RASSF5: variants seen among roughly 807,000 people sequenced by gnomAD.
RASSF5 encodes the protein Ras association domain family member 5.
A neutral mutation model predicts 40.5 loss-of-function variants in RASSF5; 25 were observed. The ratio of observed to expected loss-of-function variants is 0.62; its 90% CI spans 0.45 to 0.86. RASSF5 has a LOEUF of 0.86. RASSF5 is among the 40% of genes least tolerant of loss of function. The probability of loss-of-function intolerance (pLI) is 0.00; values close to 1 mark genes in which losing one functional copy is unlikely to be tolerated. For missense variants in RASSF5, 521 were observed against 572.8 expected, an observed-to-expected ratio of 0.91 and a Z score of 0.92; for synonymous variants, 246 against 252.4, an observed-to-expected ratio of 0.97 and a Z score of 0.24.
In RASSF5 at chr1:206,579,840, C is replaced by G. The variant is rs1266730673; in HGVS notation, c.580-3429C>G. On this transcript the variant is annotated intron_variant, in intron 2 of 5. Transcript: ENST00000579436. The surrounding 1 kb of genome is among the most constrained non-coding windows in gnomAD (Gnocchi z 4.2). ...CTTGGGTGGAAAAAGGATCCGTGAG[C>G]CCTCGTGGCTGTGGCTGGCTGGCCT... 6.6e-6 allele frequency among the ~76,000 whole-genome samples: 1 copy of G among 151,970 alleles called. No homozygotes were observed. The highest frequency in any genetic ancestry group is 1.5e-5 in the Non-Finnish European group (1 of 68,034).
At chr1:206,520,410 A>C (rs6696388) in intron 1 of RASSF5, among the ~76,000 whole-genome samples, 92,732 of 151,888 alleles carry the variant, frequency 0.61, 29,565 homozygotes, top group African/African-American at 0.8. Flanking sequence ...AGTTCGAGAC[A>C]AGCCTGGCTA....
At chr1:206,523,287 G>A (rs1553396380) in intron 1 of RASSF5, among the ~76,000 whole-genome samples, 1 of 145,056 alleles carries the variant, frequency 6.9e-6, no homozygotes, top group African/African-American at 2.6e-5. Flanking sequence ...CTGGGTGACA[G>A]ACCAAGACTT....
intron 2 of RASSF5, among the ~76,000 whole-genome samples, chr1:206,565,689 T>A (rs1241326106): frequency 1.3e-5 from 2 of 152,186 alleles, no homozygotes; most frequent in Non-Finnish European, 2.9e-5. Flanking sequence ...TGCAGCCACA[T>A]GGCCTTTATC....
intron 2 of RASSF5, among the ~76,000 whole-genome samples, chr1:206,573,050 T>C (rs1350553606): frequency 2.0e-5 from 3 of 152,350 alleles, no homozygotes; most frequent in South Asian, 2.1e-4. Flanking sequence ...ATGATGATAA[T>C]TTGGATGATG....
intron 2 of RASSF5, among the ~76,000 whole-genome samples, chr1:206,566,945 G>A (rs1553403481): frequency 6.6e-6 from 1 of 152,162 alleles, no homozygotes; most frequent in African/African-American, 2.4e-5. Flanking sequence ...TCTTTCCCAG[G>A]GGACATGAGC....
intron 2 of RASSF5, among the ~76,000 whole-genome samples, chr1:206,549,394 A>C (rs990266494): frequency 6.6e-6 from 1 of 152,140 alleles, no homozygotes; most frequent in Non-Finnish European, 1.5e-5. Flanking sequence ...TGGGCTCCTC[A>C]CAGCCTATCC....
chr1:206,584,623 C>T lies in RASSF5; in HGVS notation c.927C>T (p.Phe309=). 6.2e-7 allele frequency: 1 copy of T among 1,614,228 alleles called. No homozygotes were observed. The highest frequency in any genetic ancestry group is 8.5e-7 in the Non-Finnish European group (1 of 1,180,044). The change falls in exon 4 of 6, where the codon TTC becomes TTT. Residue 309 remains phenylalanine (F), a synonymous_variant. Coordinates refer to ENST00000579436, the MANE Select transcript of RASSF5 (RefSeq NM_182663.4). The surrounding 1 kb of genome is among the most constrained non-coding windows in gnomAD (Gnocchi z 4.9). ...TCATCCAGGGGCTGCTCAAGAAGTT[C>T]ATGGTTGTGGACAATCCCCAGAAGT... ...SEVIQGLLKK[F]MVVDNPQKFA...
rs1431140923 is a variant in RASSF5, at chr1:206,531,084, C to T, written c.458-7088C>T. 1.3e-5 allele frequency among the ~76,000 whole-genome samples: 2 copies of T among 152,204 alleles called. No homozygotes were observed. Among genetic ancestry groups the T allele is most frequent in the African/African-American group, 4.8e-5 (2 of 41,446 alleles). ...ACATTCTCATTTGATTCTCAACAACCGTACTGCTATCATCTCCATTTAACA... is the reference window on the plus strand; with the variant it reads ...ACATTCTCATTTGATTCTCAACAACTGTACTGCTATCATCTCCATTTAACA... On this transcript the variant is annotated intron_variant, in intron 1 of 5. Transcript: ENST00000579436. The surrounding 1 kb of genome is among the most constrained non-coding windows in gnomAD (Gnocchi z 4.7).
In RASSF5 at chr1:206,507,547, G is replaced by C. The variant is rs373045183; in HGVS notation, c.-56G>C. The C allele has an allele frequency of 2.3e-5, 31 of 1,342,850 alleles. No individual in the cohort carries two copies. Among genetic ancestry groups the C allele is most frequent in the South Asian group, 1.1e-4 (7 of 65,782 alleles). The allele number at this position is 1,342,850 out of a possible 1,614,324, so 83.2% of individuals were successfully genotyped here. A position where few individuals can be genotyped will look rare whatever the true frequency, so the allele number is the denominator to read the frequency against. On this transcript the variant is annotated 5_prime_UTR_variant, in exon 1 of 6. Transcript: ENST00000579436. ...CGGCCCCTTCTCTCGGGGCTGGCTC[G>C]GGAGTAGCGCAGTCGCCAAAGCCGC...
At chr1:206,585,100 A>G in intron 4 of RASSF5, 80 bp from the exon 5 acceptor site, 1 of 1,044,988 alleles carries the variant, frequency 9.6e-7, no homozygotes, top group Non-Finnish European at 1.5e-6. Context: ...CCACCTCTGC[A>G]TTTCCAATCC....
chr1:206,543,056 T>TA (rs1249972209), intron 2 of RASSF5: 1 of 151,848 alleles, frequency 6.6e-6, no homozygotes, highest in Non-Finnish European at 1.5e-5. Context: ...TACTAAAAAT[T>TA]AAAAACATTG....
intron 2 of RASSF5, among the ~76,000 whole-genome samples, chr1:206,568,672 G>C: frequency 6.6e-6 from 1 of 152,146 alleles, no homozygotes; most frequent in African/African-American, 2.4e-5. Flanking sequence ...GCAGTCACCC[G>C]GGCCCTGTAC....
Position 206,584,469 on chromosome 1 carries a change from C to G in RASSF5, c.773C>G (p.Pro258Arg). The change falls in exon 4 of 6, where the codon CCC (proline) becomes CGC (arginine). Residue 258 changes from proline to arginine, a missense_variant. Around this residue, in one of 2 missense-constraint regions of RASSF5, gnomAD observed 284 missense variants for 360.8 expected, o/e 0.79. Transcript: ENST00000579436. The surrounding 1 kb of genome is among the most constrained non-coding windows in gnomAD (Gnocchi z 4.9). ...GTGACGGTGCCTGCTGGGATCCGGCCCCAGTCCATCTATGATGCCATCAAG... is the reference window on the plus strand; with the variant it reads ...GTGACGGTGCCTGCTGGGATCCGGCGCCAGTCCATCTATGATGCCATCAAG... ...RPVTVPAGIRPQSIYDAIKEV... is the reference protein window; with the variant it reads ...RPVTVPAGIRRQSIYDAIKEV... The G allele has an allele frequency of 1.2e-6, 2 of 1,614,110 alleles. No individual in the cohort carries two copies. The highest frequency in any genetic ancestry group is 1.7e-6 in the Non-Finnish European group (2 of 1,180,008).
In RASSF5 at chr1:206,587,130, CAAG is replaced by C; in HGVS notation, c.*153_*155del. 1.5e-5 allele frequency: 14 copies of C among 959,052 alleles called. No homozygotes were observed. The highest frequency in any genetic ancestry group is 2.2e-5 in the Non-Finnish European group (14 of 629,192). 59.4% of individuals were successfully genotyped at this position (959,052 alleles called of 1,614,324 possible). A position where few individuals can be genotyped will look rare whatever the true frequency, so the allele number is the denominator to read the frequency against. Reference sequence around the variant, plus strand: ...CTGTGGCAAAAGTCTCTTCCATGGACAAGTGTTTGCACGAGGGTTCAGCTGTGC... The same window carrying C: ...CTGTGGCAAAAGTCTCTTCCATGGACTGTTTGCACGAGGGTTCAGCTGTGC... On this transcript the variant is annotated 3_prime_UTR_variant, in exon 6 of 6. Transcript: ENST00000579436.
At position 206,507,994 on chromosome 1, in the gene RASSF5, C is replaced by T. The variant is rs1252611736; in HGVS notation, c.392C>T (p.Pro131Leu). The T allele has an allele frequency of 4.6e-6, 7 of 1,522,394 alleles. No homozygotes were observed. The highest frequency in any genetic ancestry group is 3.7e-5 in the South Asian group (3 of 80,612). 94.3% of individuals were successfully genotyped at this position (1,522,394 alleles called of 1,614,324 possible). ...EGHCFAELVLPGGPGWCDLCG... is the reference protein window; with the variant it reads ...EGHCFAELVLLGGPGWCDLCG... Reference sequence around the variant, plus strand: ...CACTGCTTCGCCGAGTTGGTGCTGCCGGGCGGCCCCGGCTGGTGTGACCTG... The same window carrying T: ...CACTGCTTCGCCGAGTTGGTGCTGCTGGGCGGCCCCGGCTGGTGTGACCTG... The change falls in exon 1 of 6, where the codon CCG becomes CTG. Residue 131 changes from proline (P) to leucine (L), a missense_variant. Physicochemically the swap from Pro to Leu is moderately conservative, Grantham distance 98. Around this residue, in one of 2 missense-constraint regions of RASSF5, gnomAD observed 237 missense variants for 212.0 expected, o/e 1.12. Coordinates refer to ENST00000579436, the MANE Select transcript of RASSF5 (RefSeq NM_182663.4).
intron 1 of RASSF5, among the ~76,000 whole-genome samples, chr1:206,510,775 G>A (rs1666595220): frequency 6.6e-6 from 1 of 152,206 alleles, no homozygotes; most frequent in African/African-American, 2.4e-5. Flanking sequence ...CCTTGTCTTT[G>A]TGTTTCTTGC....
chr1:206,565,159 A>G (rs1668250804), intron 2 of RASSF5, among the ~76,000 whole-genome samples: 1 of 151,922 alleles, frequency 6.6e-6, no homozygotes, highest in Non-Finnish European at 1.5e-5. Context: ...TCAATACCTC[A>G]GGGGTCTTCA....
intron 2 of RASSF5, among the ~76,000 whole-genome samples, chr1:206,566,148 C>T (rs1190368275): frequency 6.6e-6 from 1 of 152,162 alleles, no homozygotes; most frequent in Non-Finnish European, 1.5e-5. Context: ...TATGAGGTAA[C>T]ATGTGAAAGG....
chr1:206,582,356 A>G (rs1362280081), intron 2 of RASSF5, among the ~76,000 whole-genome samples: 1 of 152,232 alleles, frequency 6.6e-6, no homozygotes, highest in African/African-American at 2.4e-5. Context: ...ATGGTCTCAC[A>G]GGAGGAACAC....
Sources: allele counts gnomAD v4.1 joint callset (sites outside exome capture counted in the v4.1 genomes callset), GRCh38; gene constraint gnomAD v4.1.1; regional missense constraint gnomAD v4.1.1; non-coding constraint Gnocchi (gnomAD v3.1); transcripts MANE v1.5; gene names NCBI Gene and HGNC (gene_info 2026-07-23, HGNC 2026-07-21).